The following ZNF705B variants were observed in gnomAD, a reference collection of about 807,000 sequenced individuals.
ZNF705B encodes Putative zinc finger protein 705D-like protein LOC100132396.
In ZNF705B, 1 loss-of-function variant was observed where a neutral mutation model predicts 10.5. That is an observed-to-expected ratio of 0.10 (90% CI 0.03 to 0.45). ZNF705B has a LOEUF of 0.45. Among genes scored for constraint, ZNF705B ranks in the 20% least tolerant of loss-of-function variants. ZNF705B has a pLI of 0.97. For synonymous variants in ZNF705B, 4 were observed against 25.4 expected, an observed-to-expected ratio of 0.16 and a Z score of 2.53; for missense variants, 14 against 84.0, an observed-to-expected ratio of 0.17 and a Z score of 3.26.
intron 2 of ZNF705B, among the ~76,000 whole-genome samples, chr8:7,935,291 AC>A (rs1819979497): frequency 7.0e-6 from 1 of 143,482 alleles, no homozygotes; most frequent in South Asian, 2.5e-4. Flanking sequence ...TAAGAGTGAA[AC>A]ATTCAAGGTC....
At chr8:7,931,504 A>G in intron 2 of ZNF705B, among the ~76,000 whole-genome samples, 1 of 122,090 alleles carries the variant, frequency 8.2e-6, no homozygotes, top group African/African-American at 2.5e-5. Flanking sequence ...GCTCATACTC[A>G]GGTCACAAGA....
chr8:7,941,066 C>T (rs1417558057), intron 2 of ZNF705B, among the ~76,000 whole-genome samples: 1 of 149,400 alleles, frequency 6.7e-6, no homozygotes, highest in African/African-American at 2.4e-5. Context: ...ATACGTACCA[C>T]ATTTTCTTTA....
At chr8:7,927,309 T>C (rs1409426234) in intron 1 of ZNF705B, among the ~76,000 whole-genome samples, 1 of 120,734 alleles carries the variant, frequency 8.3e-6, no homozygotes, top group Admixed American at 9.5e-5. Flanking sequence ...TTTGAGACAT[T>C]CCAGGCCTTA....
intron 2 of ZNF705B, among the ~76,000 whole-genome samples, chr8:7,941,083 C>T (rs1216161950): frequency 6.7e-6 from 1 of 149,242 alleles, no homozygotes; most frequent in African/African-American, 2.4e-5. Context: ...TTTATCCAGT[C>T]TGTCACTGAT....
At chr8:7,930,103 A>G (rs1242303457) in intron 1 of ZNF705B, among the ~76,000 whole-genome samples, 184 bp from the exon 2 acceptor site, 1 of 110,502 alleles carries the variant, frequency 9.0e-6, no homozygotes, top group African/African-American at 2.7e-5. Flanking sequence ...TGAACATAGT[A>G]CCAGATAGGT....
intron 2 of ZNF705B, among the ~76,000 whole-genome samples, chr8:7,935,702 T>C (rs531037750): frequency 2.1e-5 from 2 of 93,284 alleles, no homozygotes; most frequent in African/African-American, 5.5e-5. Flanking sequence ...TGCAACATCA[T>C]ATTTATATCT....
chr8:7,930,167 A>G (rs1476316699), intron 1 of ZNF705B, 120 bp from the exon 2 acceptor site: 1 of 118,020 alleles, frequency 8.5e-6, no homozygotes, highest in Non-Finnish European at 2.0e-5. Context: ...AGTGTCTATA[A>G]TTCCCATGTT....
At chr8:7,932,127 T>A (rs1819865268) in intron 2 of ZNF705B, among the ~76,000 whole-genome samples, 1 of 120,942 alleles carries the variant, frequency 8.3e-6, no homozygotes, top group Non-Finnish European at 2.0e-5. Context: ...CAGCTCCCTA[T>A]AGTAGTCTCA....
intron 2 of ZNF705B, chr8:7,934,722 T>TG: frequency 1.4e-5 from 1 of 71,150 alleles, no homozygotes; most frequent in Non-Finnish European, 2.3e-5. Flanking sequence ...GTGTGTGTGT[T>TG]ATTTGATTTC....
Position 7,942,880 on chromosome 8 carries a change from G to A in ZNF705B, c.-71-4471G>A, listed in dbSNP as rs1169077755. 2.1e-4 allele frequency among the ~76,000 whole-genome samples: 5 copies of A among 23,728 alleles called. 1 individual carries two copies. Among genetic ancestry groups the A allele is most frequent in the African/African-American group, 4.3e-4 (5 of 11,712 alleles). 15.6% of individuals were successfully genotyped at this position (23,728 alleles called of 152,430 possible). ...CATCTGAAGCTTTCTTTCCTTTTCC[G>A]GTGGAGTGTGCCCCCGGAAGATTAT... is the stretch of plus-strand genomic sequence containing the variant. On this transcript the variant is annotated intron_variant, in intron 2 of 6. Transcript: ENST00000400120.
chr8:7,931,865 G>C (rs1277681057), intron 2 of ZNF705B, among the ~76,000 whole-genome samples: 4 of 125,622 alleles, frequency 3.2e-5, no homozygotes, highest in African/African-American at 1.0e-4. Context: ...AGAGTGATGG[G>C]GACCAAGCTA....
intron 2 of ZNF705B, among the ~76,000 whole-genome samples, chr8:7,942,628 A>T (rs1484314785): frequency 4.2e-5 from 1 of 23,742 alleles, no homozygotes; most frequent in African/African-American, 7.6e-5. Flanking sequence ...AAGTTTATTT[A>T]AAAAGGCTTT....
At chr8:7,928,811 C>G (rs1366287488) in intron 1 of ZNF705B, among the ~76,000 whole-genome samples, 3 of 98,342 alleles carry the variant, frequency 3.1e-5, no homozygotes, top group African/African-American at 8.4e-5. Context: ...TTTCCATTTA[C>G]AGAATTTCTT....
chr8:7,930,847 T>C (rs1249796203), intron 2 of ZNF705B, among the ~76,000 whole-genome samples: 1 of 73,466 alleles, frequency 1.4e-5, no homozygotes, highest in African/African-American at 5.4e-5. Context: ...ATTTTTTTTG[T>C]TTTTTTTTTT....
rs1198436712 is a variant in ZNF705B at position 7,927,052 on chromosome 8, G to A, written c.-222+655G>A. On this transcript the variant is annotated intron_variant, in intron 1 of 6. Transcript: ENST00000400120. ...TTTCAAGACTCGTGGTACGTGATAG[G>A]TGTTCAAGAATGTTCATTCTTACTG... Among the ~76,000 whole-genome samples the A allele has an allele frequency of 5.0e-5, 6 of 119,596 alleles. 1 individual carries two copies. The highest frequency in any genetic ancestry group is 3.8e-4 in the Admixed American group (4 of 10,418). The allele number at this position is 119,596 out of a possible 152,430, so 78.5% of individuals were successfully genotyped here.
intron 2 of ZNF705B, among the ~76,000 whole-genome samples, chr8:7,933,929 C>CTTTTTTTT (rs1162997944): frequency 0.01 from 304 of 29,364 alleles, 37 homozygotes; most frequent in African/African-American, 0.019. Context: ...GTAATATAAA[C>CTTTTTTTT]TTTTTTTTTT....
chr8:7,936,221 G>T (rs1315204821), intron 2 of ZNF705B, among the ~76,000 whole-genome samples: 1 of 119,624 alleles, frequency 8.4e-6, no homozygotes, highest in African/African-American at 2.6e-5. Context: ...CAATATGTTT[G>T]TGCGGAAATT....
rs1477079053 is a variant in ZNF705B at position 7,935,951 on chromosome 8, G to A, written c.-72+5515G>A. 2.2e-5 allele frequency among the ~76,000 whole-genome samples: 2 copies of A among 91,384 alleles called. 1 individual carries two copies. Among genetic ancestry groups the A allele is most frequent in the Non-Finnish European group, 5.6e-5 (2 of 35,542 alleles). The allele number at this position is 91,384 out of a possible 152,430, so 60.0% of individuals were successfully genotyped here. A position where few individuals can be genotyped will look rare whatever the true frequency, so the allele number is the denominator to read the frequency against. On this transcript the variant is annotated intron_variant, in intron 2 of 6. Coordinates refer to ENST00000400120, the MANE Select transcript of ZNF705B (RefSeq NM_001193630.1). ...CATAAGAGATTAGTATAGTGTAGAGGATGAACCACTGACCTGTCTTGTGAT... is the reference window on the plus strand; with the variant it reads ...CATAAGAGATTAGTATAGTGTAGAGAATGAACCACTGACCTGTCTTGTGAT...
chr8:7,930,976 C>T (rs1327245308), intron 2 of ZNF705B, among the ~76,000 whole-genome samples: 9 of 126,578 alleles, frequency 7.1e-5, no homozygotes, highest in African/African-American at 2.0e-4. Flanking sequence ...CTGCCTCAGC[C>T]TCCAGAGTAG....
Sources: gnomAD v4.1 joint callset for allele counts (sites outside exome capture counted in the v4.1 genomes callset) on GRCh38, gnomAD v4.1.1 for gene constraint, MANE v1.5 for transcripts, NCBI Gene and HGNC (gene_info 2026-07-23, HGNC 2026-07-21) for gene names.